Variants in PDIA5 observed in about 807,000 individuals in gnomAD.
The protein encoded by PDIA5 is protein disulfide isomerase family A member 5.
Under a neutral mutation model 77.6 loss-of-function variants are expected in PDIA5, and 58 were observed. That is an observed-to-expected ratio of 0.75 (90% CI 0.61 to 0.93). The LOEUF (loss-of-function observed/expected upper bound fraction) is 0.93. Ranked by LOEUF, PDIA5 falls within the 40% of genes least tolerant of loss-of-function variation. The pLI is 0.00. For synonymous variants in PDIA5, 250 were observed against 252.1 expected (o/e 0.99, Z 0.08); for missense variants, 630 against 647.7 (o/e 0.97, Z 0.30).
At chr3:123,124,980 T>C (rs1935208328) in intron 10 of PDIA5, among the ~76,000 whole-genome samples, 1 of 152,200 alleles carries the variant, frequency 6.6e-6, no homozygotes, top group Non-Finnish European at 1.5e-5. Context: ...TAGATCCTTG[T>C]AATGCCAAAC....
intron 8 of PDIA5, among the ~76,000 whole-genome samples, chr3:123,123,498 G>C (rs1264573673): frequency 6.6e-6 from 1 of 152,190 alleles, no homozygotes; most frequent in Non-Finnish European, 1.5e-5. Context: ...TTCTCATGTT[G>C]TGTTATGAGA....
At chr3:123,119,077 C>A (rs947095700) in intron 8 of PDIA5, among the ~76,000 whole-genome samples, 1 of 151,894 alleles carries the variant, frequency 6.6e-6, no homozygotes, top group Non-Finnish European at 1.5e-5. Flanking sequence ...ATAGTGAAAC[C>A]CCATGTCTAC....
Position 123,106,743 on chromosome 3 carries a change from C to A in PDIA5, c.388-6C>A, listed in dbSNP as rs78255189. 3.5e-3 allele frequency: 5,610 copies of A among 1,598,056 alleles called. 131 individuals carry two copies. The African/African-American group carries it at 0.059, about 17-fold the overall frequency. On this transcript the variant is annotated splice_polypyrimidine_tract_variant and splice_region_variant and intron_variant, in intron 5 of 16. Transcript: ENST00000316218. ...TGCATTTTCTCTTCTCTTTTTTTTCCCTCAGTCCATAGTGGCCTTTTTGAA... is the reference window on the plus strand; with the variant it reads ...TGCATTTTCTCTTCTCTTTTTTTTCACTCAGTCCATAGTGGCCTTTTTGAA...
chr3:123,091,201 C>T (rs1469873002), intron 2 of PDIA5, among the ~76,000 whole-genome samples: 2 of 152,146 alleles, frequency 1.3e-5, no homozygotes, highest in Non-Finnish European at 2.9e-5. Context: ...TGACTCCATG[C>T]ATGTCTCTTG....
intron 1 of PDIA5, among the ~76,000 whole-genome samples, chr3:123,069,602 T>G (rs1208157983): frequency 6.6e-6 from 1 of 152,156 alleles, no homozygotes; most frequent in African/African-American, 2.4e-5. Flanking sequence ...AGAAGACTCT[T>G]GACTTCTCAC....
At chr3:123,085,969 G>A (rs189258342) in intron 1 of PDIA5, among the ~76,000 whole-genome samples, 5 of 152,110 alleles carry the variant, frequency 3.3e-5, no homozygotes, top group African/African-American at 1.2e-4. Context: ...ATAAAGTTTA[G>A]CAGACTTTTT....
At position 123,089,222 on chromosome 3, in the gene PDIA5, ATC is replaced by A; in HGVS notation, c.101_102del (p.Ser34Ter). 3 of 1,614,014 alleles carry A rather than the reference ATC, an allele frequency of 1.9e-6. No homozygotes were observed. Among genetic ancestry groups the A allele is most frequent in the Non-Finnish European group, 2.5e-6 (3 of 1,179,830 alleles). The stretch of plus-strand genomic sequence containing the variant: ...AAAGGTCTCCTCGCTCATTGAGAGA[ATC>A]TCTGACCCCAAGGACTTGAAAAAAC... ...SAKVSSLIER[I>X]SDPKDLKKLL... is the part of the protein sequence containing the mutation. On this transcript the variant is annotated frameshift_variant, in exon 2 of 17. Transcript: ENST00000316218. LOFTEE classifies it high-confidence loss of function.
chr3:123,146,212 A>T lies in PDIA5; in HGVS notation c.1095A>T (p.Ala365=), dbSNP rs765529428. 1.2e-6 allele frequency: 2 copies of T among 1,614,092 alleles called. No homozygotes were observed. Among genetic ancestry groups the T allele is most frequent in the Non-Finnish European group, 1.7e-6 (2 of 1,179,906 alleles). Residue 365 remains alanine, a synonymous_variant, in exon 13 of 17, where the codon GCA becomes GCT. Coordinates refer to ENST00000316218, the MANE Select transcript of PDIA5 (RefSeq NM_006810.4). ...LKYFKNGEKY[A]VPVLRTKKKF... ...ATTTTAAGAATGGAGAGAAATACGC[A>T]GTGCCTGTGCTCAGGACAAAGAAGA...
chr3:123,119,882 T>C (rs1935068969), intron 8 of PDIA5, among the ~76,000 whole-genome samples: 1 of 147,034 alleles, frequency 6.8e-6, no homozygotes, highest in South Asian at 2.1e-4. Flanking sequence ...ACAGATTTTT[T>C]GGGAGGTGTT....
chr3:123,108,748 T>C (rs1467773886), intron 6 of PDIA5, among the ~76,000 whole-genome samples: 2 of 151,502 alleles, frequency 1.3e-5, no homozygotes, highest in Non-Finnish European at 2.9e-5. Flanking sequence ...TAGCCAGGCA[T>C]GGTGGCATCT....
At chr3:123,096,425 G>A (rs896906195) in intron 3 of PDIA5, among the ~76,000 whole-genome samples, 18 of 152,182 alleles carry the variant, frequency 1.2e-4, no homozygotes, top group Non-Finnish European at 2.4e-4. Flanking sequence ...CTGGGCTCAA[G>A]CAATTCACCT....
rs534848966 is a variant in PDIA5 at position 123,100,595 on chromosome 3, G to C, written c.258-1816G>C. 1.3e-3 allele frequency among the ~76,000 whole-genome samples: 205 copies of C among 152,344 alleles called. 1 individual carries two copies. Among genetic ancestry groups the C allele is most frequent in the African/African-American group, 4.6e-3 (192 of 41,572 alleles). On this transcript the variant is annotated intron_variant, in intron 3 of 16. Transcript: ENST00000316218. ...CAGTGGCTGCAGCGATGGCTAGACA[G>C]CTGGGACTAGTAGGGAGGAAACCCC...
At chr3:123,134,850 C>G (rs891329005) in intron 11 of PDIA5, among the ~76,000 whole-genome samples, 1 of 152,326 alleles carries the variant, frequency 6.6e-6, no homozygotes, top group African/African-American at 2.4e-5. Flanking sequence ...CTGGGCAGGA[C>G]AGGCCGAGTG....
intron 11 of PDIA5, among the ~76,000 whole-genome samples, chr3:123,143,848 C>G (rs888836262): frequency 6.6e-6 from 1 of 152,224 alleles, no homozygotes; most frequent in Non-Finnish European, 1.5e-5. Flanking sequence ...GGGCTGCATT[C>G]CATGAGGGTC....
At chr3:123,154,819 G>C in intron 14 of PDIA5, 152 bp from the exon 15 acceptor site, 1 of 662,554 alleles carries the variant, frequency 1.5e-6, no homozygotes, top group Non-Finnish European at 2.7e-6. Flanking sequence ...GGTGGTTAGA[G>C]TGGCAAGGTT....
intron 14 of PDIA5, among the ~76,000 whole-genome samples, chr3:123,151,331 C>T (rs1370801609): frequency 6.6e-6 from 1 of 152,234 alleles, no homozygotes; most frequent in African/African-American, 2.4e-5. Context: ...TGAAAATTTT[C>T]GGGAGCTGAC....
chr3:123,112,770 G>C (rs1033826932), intron 7 of PDIA5, among the ~76,000 whole-genome samples: 1 of 152,036 alleles, frequency 6.6e-6, no homozygotes, highest in Non-Finnish European at 1.5e-5. Flanking sequence ...ATGTTGCCCA[G>C]GCTGGTCTCA....
chr3:123,080,331 G>A (rs916107992), intron 1 of PDIA5, among the ~76,000 whole-genome samples: 2 of 152,290 alleles, frequency 1.3e-5, no homozygotes, highest in African/African-American at 4.8e-5. Context: ...CCTGGAGGCT[G>A]GAGACGGTAT....
intron 10 of PDIA5, among the ~76,000 whole-genome samples, chr3:123,128,279 A>G (rs1359574348): frequency 2.0e-5 from 3 of 152,128 alleles, no homozygotes; most frequent in African/African-American, 7.2e-5. Context: ...TTTTCTGACC[A>G]GAAAGTTTTT....
Sources: allele counts gnomAD v4.1 joint callset (sites outside exome capture counted in the v4.1 genomes callset), GRCh38; gene constraint gnomAD v4.1.1; transcripts MANE v1.5; gene names NCBI Gene and HGNC (gene_info 2026-07-23, HGNC 2026-07-21).